Variants in CGAS observed in about 807,000 individuals in gnomAD.
CGAS encodes the protein 2'3'-cGAMP synthase.
CGAS carries 31 observed loss-of-function variants against 34.0 expected under a neutral mutation model. The observed-to-expected ratio is 0.91, with a 90% CI of 0.69 to 1.23. The LOEUF (loss-of-function observed/expected upper bound fraction) is 1.23, where lower values mean the gene tolerates loss of function less well. Among genes scored for constraint, CGAS ranks in the 50% most tolerant of loss-of-function variants. The pLI is 0.00. For missense variants in CGAS, 597 were observed against 657.6 expected (o/e 0.91, Z 1.01); for synonymous variants, 266 against 260.0 (o/e 1.02, Z -0.22).
chr6:73,443,921 T>C (rs887215903), intron 2 of CGAS, among the ~76,000 whole-genome samples: 4 of 152,188 alleles, frequency 2.6e-5, no homozygotes, highest in African/African-American at 4.8e-5. Context: ...TGAAGTTATA[T>C]GAAATGAAGC....
intron 1 of CGAS, among the ~76,000 whole-genome samples, chr6:73,447,535 C>G (rs1448641339): frequency 1.3e-5 from 2 of 152,132 alleles, no homozygotes; most frequent in Non-Finnish European, 2.9e-5. Flanking sequence ...CTGCCTGCCT[C>G]TACTCCCAAA....
At chr6:73,441,476 C>T (rs1237329990) in intron 2 of CGAS, among the ~76,000 whole-genome samples, 2 of 152,172 alleles carry the variant, frequency 1.3e-5, no homozygotes, top group South Asian at 2.1e-4. Context: ...GTTGAGGCTA[C>T]GATGTGAGGA....
intron 3 of CGAS, 100 bp downstream of exon 3, chr6:73,440,109 A>T: frequency 1.8e-6 from 2 of 1,129,484 alleles, no homozygotes; most frequent in Non-Finnish European, 2.5e-6. Flanking sequence ...TGGCTCTTGA[A>T]ATGACAACAG....
intron 3 of CGAS, among the ~76,000 whole-genome samples, chr6:73,434,049 C>A (rs1355025551): frequency 6.6e-6 from 1 of 152,160 alleles, no homozygotes; most frequent in African/African-American, 2.4e-5. Context: ...AGTGGTAGAA[C>A]TTGCCCTAAA....
intron 4 of CGAS, among the ~76,000 whole-genome samples, chr6:73,426,639 TC>T (rs1770094298): frequency 6.6e-6 from 1 of 150,896 alleles, no homozygotes; most frequent in Admixed American, 6.6e-5. Context: ...CGATCCAAAA[TC>T]TTGTTTTGTT....
At chr6:73,430,494 C>T (rs1029942338) in intron 3 of CGAS, among the ~76,000 whole-genome samples, 3 of 151,870 alleles carry the variant, frequency 2.0e-5, no homozygotes, top group Non-Finnish European at 4.4e-5. Flanking sequence ...CCTACACATA[C>T]CACATGTATG....
chr6:73,432,376 G>C (rs760935217), intron 3 of CGAS, among the ~76,000 whole-genome samples: 2 of 151,854 alleles, frequency 1.3e-5, no homozygotes, highest in Non-Finnish European at 2.9e-5. Context: ...GGCCAGGCTG[G>C]TCTCGCACTC....
intron 2 of CGAS, among the ~76,000 whole-genome samples, chr6:73,442,002 C>T (rs964701592): frequency 3.9e-5 from 6 of 151,982 alleles, no homozygotes; most frequent in African/African-American, 1.4e-4. Flanking sequence ...CCTCCTGAGT[C>T]GCTGGGATTA....
rs537155711 is a variant in CGAS, at chr6:73,427,155, T to C, written c.1217+1554A>G. Reference sequence around the variant, plus strand: ...GTGAGCCACTGTGCCTGGCCAACAATATAGTTTTCTTAATGCTTACTTCAA... The same window carrying C: ...GTGAGCCACTGTGCCTGGCCAACAACATAGTTTTCTTAATGCTTACTTCAA... On this transcript the variant is annotated intron_variant, in intron 4 of 4. Coordinates refer to ENST00000370315, the MANE Select transcript of CGAS (RefSeq NM_138441.3). Among the ~76,000 whole-genome samples the C allele has an allele frequency of 7.9e-5, 12 of 151,144 alleles. No individual in the cohort carries two copies. In the South Asian group the frequency reaches 2.5e-3, roughly 32 times the overall value.
chr6:73,451,686 G>T lies in CGAS; in HGVS notation c.496C>A (p.Arg166=), dbSNP rs556099079. 24 of 1,613,888 alleles carry T rather than the reference G, an allele frequency of 1.5e-5. 1 individual carries two copies. In the African/African-American group the frequency reaches 2.3e-4, roughly 15 times the overall value. ...AGCTTCAACTTCTCCAAAACCGCCCGGAGCTTCGAGGCCCCAGGCGCCGCA... is the reference window on the plus strand; with the variant it reads ...AGCTTCAACTTCTCCAAAACCGCCCTGAGCTTCGAGGCCCCAGGCGCCGCA... The part of the protein sequence containing the change: ...RDAAPGASKL[R]AVLEKLKLSR... The change falls in exon 1 of 5, where the codon CGG becomes AGG. Residue 166 remains arginine (R), a synonymous_variant. Transcript: ENST00000370315.
intron 4 of CGAS, among the ~76,000 whole-genome samples, chr6:73,426,007 G>A (rs141159665): frequency 0.035 from 5,176 of 150,018 alleles, 295 homozygotes; most frequent in African/African-American, 0.12. Flanking sequence ...CAAAAAAGCC[G>A]GGCGCGGTGG....
chr6:73,451,761 C>T lies in CGAS; in HGVS notation c.421G>A (p.Val141Met). The T allele has an allele frequency of 5.6e-6, 9 of 1,606,256 alleles. No homozygotes were observed. Among genetic ancestry groups the T allele is most frequent in the Non-Finnish European group, 7.6e-6 (9 of 1,176,910 alleles). The part of the protein sequence containing the change: ...KPRPPPGPWD[V>M]PSPGLPVSAP... ...GAGACCGGCAGGCCGGGGCTGGGCACGTCCCAGGGCCCGGGCGGAGGTCTT... is the reference window on the plus strand; with the variant it reads ...GAGACCGGCAGGCCGGGGCTGGGCATGTCCCAGGGCCCGGGCGGAGGTCTT... The change falls in exon 1 of 5, where the codon GTG (valine) becomes ATG (methionine). Residue 141 changes from valine to methionine, a missense_variant. Coordinates refer to ENST00000370315, the MANE Select transcript of CGAS (RefSeq NM_138441.3).
chr6:73,434,297 G>A (rs1217770597), intron 3 of CGAS, among the ~76,000 whole-genome samples: 1 of 152,118 alleles, frequency 6.6e-6, no homozygotes, highest in African/African-American at 2.4e-5. Flanking sequence ...TGTGGACTTC[G>A]GTGTCTGCAG....
At chr6:73,443,116 C>A (rs544849330) in intron 2 of CGAS, among the ~76,000 whole-genome samples, 117 of 152,208 alleles carry the variant, frequency 7.7e-4, no homozygotes, top group African/African-American at 2.6e-3. Flanking sequence ...CTTGTCAACC[C>A]CACAAGACCA....
intron 2 of CGAS, 39 bp downstream of exon 2, chr6:73,445,489 A>T: frequency 2.1e-6 from 3 of 1,432,428 alleles, no homozygotes; most frequent in Non-Finnish European, 2.9e-6. Context: ...ATTACTAGGT[A>T]TAATTAAACC....
intron 3 of CGAS, among the ~76,000 whole-genome samples, chr6:73,430,743 T>C (rs1272546013): frequency 1.3e-5 from 2 of 152,170 alleles, no homozygotes; most frequent in East Asian, 3.8e-4. Flanking sequence ...ATCAAAGGTA[T>C]TTTGATATAT....
At chr6:73,442,901 AT>A (rs962705965) in intron 2 of CGAS, among the ~76,000 whole-genome samples, 4 of 150,100 alleles carry the variant, frequency 2.7e-5, no homozygotes, top group African/African-American at 9.8e-5. Context: ...CTGGCCTAAA[AT>A]TTTTTTTTGT....
chr6:73,437,601 G>T (rs980553198), intron 3 of CGAS, among the ~76,000 whole-genome samples: 9 of 152,028 alleles, frequency 5.9e-5, no homozygotes, highest in African/African-American at 1.9e-4. Context: ...ACTGCGCCTG[G>T]CTGAACATTT....
At chr6:73,429,227 G>C (rs565415207) in intron 3 of CGAS, among the ~76,000 whole-genome samples, 1 of 149,822 alleles carries the variant, frequency 6.7e-6, no homozygotes, top group South Asian at 2.1e-4. Flanking sequence ...AAAATATTCT[G>C]AAAAAATCTT....
Sources: gnomAD v4.1 joint callset for allele counts (sites outside exome capture counted in the v4.1 genomes callset) on GRCh38, gnomAD v4.1.1 for gene constraint, MANE v1.5 for transcripts, NCBI Gene and HGNC (gene_info 2026-07-23, HGNC 2026-07-21) for gene names.